Variants in GPR89A observed in about 807,000 individuals in gnomAD.
GPR89A encodes G protein-coupled receptor 89A.
Under a neutral mutation model 52.0 loss-of-function variants are expected in GPR89A, and 16 were observed. The observed-to-expected ratio is 0.31, with a 90% confidence interval of 0.21 to 0.47. GPR89A has a LOEUF of 0.47. Among genes scored for constraint, GPR89A ranks in the 20% least tolerant of loss-of-function variants. The pLI is 1.00. For missense variants in GPR89A, 135 were observed against 449.4 expected (o/e 0.30, Z 6.33); for synonymous variants, 55 against 150.9 (o/e 0.36, Z 4.66).
At chr1:145,620,062 C>G (rs1382360055) in intron 3 of GPR89A, among the ~76,000 whole-genome samples, 4 of 151,720 alleles carry the variant, frequency 2.6e-5, no homozygotes, top group Non-Finnish European at 5.9e-5. Flanking sequence ...CTTGGATGAG[C>G]TAGATATAGA....
Position 145,646,180 on chromosome 1 carries a change from C to A in GPR89A, c.728-4C>A, listed in dbSNP as rs1448228452. ...TTAAAACCTTGATGCCCATTCTGTG[C>A]CAGATCTTACTCTTATTCAACAGGA... On this transcript the variant is annotated splice_region_variant and splice_polypyrimidine_tract_variant and intron_variant, in intron 8 of 13. Transcript: ENST00000313835. 1.2e-6 allele frequency: 2 copies of A among 1,612,442 alleles called. No individual in the cohort carries two copies. Among genetic ancestry groups the A allele is most frequent in the Admixed American group, 1.7e-5 (1 of 59,932 alleles).
intron 5 of GPR89A, among the ~76,000 whole-genome samples, chr1:145,629,276 T>G (rs782013855): frequency 1.3e-5 from 2 of 152,154 alleles, no homozygotes; most frequent in Non-Finnish European, 2.9e-5. Flanking sequence ...GGAGGATGAT[T>G]GCAGATGTAT....
At chr1:145,629,427 A>G (rs1293382573) in intron 5 of GPR89A, among the ~76,000 whole-genome samples, 2 of 152,196 alleles carry the variant, frequency 1.3e-5, no homozygotes, top group African/African-American at 4.8e-5. Flanking sequence ...GACATTGGCA[A>G]AGGAGAAGGA....
intron 2 of GPR89A, among the ~76,000 whole-genome samples, chr1:145,616,821 G>T (rs1310870776): frequency 1.3e-5 from 2 of 151,896 alleles, no homozygotes; most frequent in East Asian, 3.9e-4. Context: ...GGACCGTGAT[G>T]GTGACTCCGA....
intron 3 of GPR89A, among the ~76,000 whole-genome samples, chr1:145,619,303 TA>T (rs1190730355): frequency 1.1e-4 from 2 of 18,638 alleles, no homozygotes; most frequent in Non-Finnish European, 2.3e-4. Context: ...ATTGAAAGGT[TA>T]AAAAAAAAAA....
chr1:145,616,391 G>A (rs1648705483), intron 2 of GPR89A, 98 bp downstream of exon 2: 1 of 933,690 alleles, frequency 1.1e-6, no homozygotes, highest in Non-Finnish European at 1.7e-6. Flanking sequence ...TCCAAGATAG[G>A]AAGCTTTTAC....
intron 7 of GPR89A, among the ~76,000 whole-genome samples, chr1:145,634,004 A>G (rs1168200141): frequency 6.6e-6 from 1 of 152,082 alleles, no homozygotes; most frequent in Non-Finnish European, 1.5e-5. Flanking sequence ...AGTCTACACA[A>G]ATAAATGGAA....
At chr1:145,650,437 A>G (rs1178719253) in intron 10 of GPR89A, among the ~76,000 whole-genome samples, 1 of 152,112 alleles carries the variant, frequency 6.6e-6, no homozygotes, top group Non-Finnish European at 1.5e-5. Context: ...ATAGTGCTGC[A>G]GTGGACGTAC....
Position 145,608,219 on chromosome 1 carries a change from A to G in GPR89A, c.42+44A>G, listed in dbSNP as rs374536797. 45 of 1,613,000 alleles carry G rather than the reference A, an allele frequency of 2.8e-5. No individual in the cohort carries two copies. In the African/African-American group the frequency reaches 5.5e-4, roughly 20 times the overall value. On this transcript the variant is annotated intron_variant, in intron 1 of 13. Coordinates refer to ENST00000313835, the MANE Select transcript of GPR89A (RefSeq NM_001097612.2). ...CCCCGACACCCGTCCGCCTCCCTTT[A>G]CCGAATCGCCCTCTCCGGTCCTCCG... is the stretch of plus-strand genomic sequence containing the variant.
chr1:145,668,125 G>T (rs1254416134), intron 12 of GPR89A, among the ~76,000 whole-genome samples: 3 of 152,156 alleles, frequency 2.0e-5, no homozygotes, highest in Non-Finnish European at 2.9e-5. Flanking sequence ...TTGGTAGCTT[G>T]ATGTGGATGG....
At chr1:145,638,057 GC>G (rs1392041040) in intron 7 of GPR89A, among the ~76,000 whole-genome samples, 11 of 144,274 alleles carry the variant, frequency 7.6e-5, no homozygotes, top group Admixed American at 4.9e-4. Context: ...TGTAGTGCCA[GC>G]TACTTGGGAA....
At chr1:145,621,510 GTTCAT>G (rs1337439622) in intron 3 of GPR89A, among the ~76,000 whole-genome samples, 1 of 151,070 alleles carries the variant, frequency 6.6e-6, no homozygotes, top group Admixed American at 6.6e-5. Flanking sequence ...TTTCCTTATA[GTTCAT>G]TTCATCATCC....
At chr1:145,616,171 G>C in intron 1 of GPR89A, 63 bp from the exon 2 acceptor site, 1 of 1,170,982 alleles carries the variant, frequency 8.5e-7, no homozygotes, top group East Asian at 2.3e-5. Flanking sequence ...TCATAAAAGA[G>C]TTTCTATAAA....
intron 11 of GPR89A, among the ~76,000 whole-genome samples, chr1:145,665,146 A>G (rs1376415163): frequency 2.0e-5 from 3 of 152,002 alleles, no homozygotes; most frequent in Non-Finnish European, 4.4e-5. Flanking sequence ...CTGTATCATT[A>G]GTTCTGTTTT....
intron 10 of GPR89A, among the ~76,000 whole-genome samples, chr1:145,662,374 A>G (rs1553695699): frequency 6.6e-6 from 1 of 152,036 alleles, no homozygotes; most frequent in East Asian, 1.9e-4. Context: ...TTTGCTATGA[A>G]ATCTACTTTG....
At chr1:145,612,288 A>G (rs1648348648) in intron 1 of GPR89A, 2 of 152,146 alleles carry the variant, frequency 1.3e-5, no homozygotes, top group African/African-American at 4.8e-5. Context: ...ATTTTAATCT[A>G]AAAGGTTATC....
intron 3 of GPR89A, among the ~76,000 whole-genome samples, chr1:145,620,185 C>T (rs1300494537): frequency 6.6e-6 from 1 of 152,126 alleles, no homozygotes; most frequent in Non-Finnish European, 1.5e-5. Context: ...AGGCTTTCTT[C>T]TGTAAAGGGC....
chr1:145,648,469 G>C (rs1312174568), intron 10 of GPR89A, among the ~76,000 whole-genome samples: 1 of 138,468 alleles, frequency 7.2e-6, no homozygotes, highest in African/African-American at 2.7e-5. Flanking sequence ...CTAAGATGCA[G>C]CCTTTAGGGA....
intron 11 of GPR89A, 113 bp downstream of exon 11, chr1:145,663,537 T>C: frequency 2.0e-6 from 2 of 1,008,136 alleles, no homozygotes; most frequent in Non-Finnish European, 2.9e-6. Context: ...GCTTTTGTTC[T>C]TCCCACTCTG....
Sources: allele counts gnomAD v4.1 joint callset (sites outside exome capture counted in the v4.1 genomes callset), GRCh38; gene constraint gnomAD v4.1.1; transcripts MANE v1.5; gene names NCBI Gene and HGNC (gene_info 2026-07-23, HGNC 2026-07-21).